ZFPM2: variants seen among roughly 807,000 people sequenced by gnomAD.
ZFPM2 encodes zinc finger protein ZFPM2.
Under a neutral mutation model 98.6 loss-of-function variants are expected in ZFPM2, and 20 were observed. The observed-to-expected ratio is 0.20, with a 90% CI of 0.14 to 0.29. The LOEUF is 0.29. ZFPM2 is among the 10% of genes least tolerant of loss of function. The pLI is 1.00. For synonymous variants in ZFPM2, 518 were observed against 502.7 expected (o/e 1.03, Z -0.41); for missense variants, 1,310 against 1,388.6 (o/e 0.94, Z 0.90).
intron 3 of ZFPM2, among the ~76,000 whole-genome samples, chr8:105,534,133 T>C (rs1243322264): frequency 1.0e-4 from 6 of 60,206 alleles, no homozygotes; most frequent in African/African-American, 2.3e-4. Context: ...CTTCCTCCCT[T>C]CCTTCCTTTC....
chr8:105,615,421 G>A (rs2130806259), intron 4 of ZFPM2, among the ~76,000 whole-genome samples: 1 of 152,238 alleles, frequency 6.6e-6, no homozygotes, highest in Non-Finnish European at 1.5e-5. Flanking sequence ...ATTTTGATGT[G>A]AATTAGCGAC....
intron 4 of ZFPM2, among the ~76,000 whole-genome samples, chr8:105,566,184 C>A (rs1467414248): frequency 2.0e-5 from 3 of 152,066 alleles, no homozygotes; most frequent in Admixed American, 2.0e-4. Context: ...TGTGAGTTGG[C>A]AATTAAAATG....
intron 1 of ZFPM2, among the ~76,000 whole-genome samples, chr8:105,396,875 GT>G (rs1811230360): frequency 6.6e-6 from 1 of 152,112 alleles, no homozygotes. Context: ...CTTGTGCTCT[GT>G]GTTCAGTAAT....
chr8:105,710,523 A>G (rs7835583), intron 5 of ZFPM2, among the ~76,000 whole-genome samples: 11,777 of 152,234 alleles, frequency 0.077, 1,488 homozygotes, highest in African/African-American at 0.26. Context: ...AGCTCCCTAT[A>G]GTCTATCTTC....
At chr8:105,581,139 A>C (rs576571421) in intron 4 of ZFPM2, among the ~76,000 whole-genome samples, 10 of 152,250 alleles carry the variant, frequency 6.6e-5, no homozygotes, top group African/African-American at 2.4e-4. Context: ...GATTTCCAGA[A>C]GATGTAATAT....
At chr8:105,590,787 G>A (rs1294971889) in intron 4 of ZFPM2, among the ~76,000 whole-genome samples, 1 of 143,190 alleles carries the variant, frequency 7.0e-6, no homozygotes, top group Non-Finnish European at 1.6e-5. Context: ...CACACACACA[G>A]AGTCAGTGGA....
At chr8:105,608,903 CAT>C (rs1316815187) in intron 4 of ZFPM2, among the ~76,000 whole-genome samples, 2 of 151,566 alleles carry the variant, frequency 1.3e-5, no homozygotes, top group African/African-American at 4.9e-5. Flanking sequence ...TTTAATTAGT[CAT>C]AAAGTATTTA....
intron 5 of ZFPM2, among the ~76,000 whole-genome samples, chr8:105,671,578 T>G (rs1817595812): frequency 6.6e-6 from 1 of 152,128 alleles, no homozygotes; most frequent in Non-Finnish European, 1.5e-5. Flanking sequence ...TTCATGCATC[T>G]TTCCATTTTA....
chr8:105,576,434 T>C (rs2130732136), intron 4 of ZFPM2, among the ~76,000 whole-genome samples: 1 of 152,278 alleles, frequency 6.6e-6, no homozygotes, highest in South Asian at 2.1e-4. Context: ...ACTTAGCTGC[T>C]TGGAGGTGAT....
At chr8:105,625,245 T>A (rs1053129864) in intron 4 of ZFPM2, among the ~76,000 whole-genome samples, 15 of 152,298 alleles carry the variant, frequency 9.8e-5, no homozygotes, top group African/African-American at 3.6e-4. Context: ...GTATAGCATA[T>A]AATTTTTTTC....
chr8:105,635,950 A>C (rs368440529), intron 5 of ZFPM2, among the ~76,000 whole-genome samples: 1 of 152,196 alleles, frequency 6.6e-6, no homozygotes, highest in African/African-American at 2.4e-5. Flanking sequence ...TTGCATGTAC[A>C]TAATGAGATA....
chr8:105,616,580 A>C (rs1160852028), intron 4 of ZFPM2: 1 of 232,350 alleles, frequency 4.3e-6, no homozygotes, highest in Non-Finnish European at 8.8e-6. Flanking sequence ...AATAATTATA[A>C]ATGTGCACTT....
intron 2 of ZFPM2, among the ~76,000 whole-genome samples, chr8:105,438,764 T>A (rs1812175749): frequency 6.6e-6 from 1 of 152,160 alleles, no homozygotes; most frequent in African/African-American, 2.4e-5. Context: ...CAGGGTCATA[T>A]CAGTCCCCCC....
intron 4 of ZFPM2, among the ~76,000 whole-genome samples, chr8:105,585,143 C>T (rs1464867982): frequency 1.3e-5 from 2 of 152,076 alleles, no homozygotes; most frequent in Non-Finnish European, 2.9e-5. Flanking sequence ...TGTCATCAGA[C>T]CTATATAGAA....
At chr8:105,382,404 TAGATTATTA>T (rs1253927035) in intron 1 of ZFPM2, among the ~76,000 whole-genome samples, 4 of 152,174 alleles carry the variant, frequency 2.6e-5, no homozygotes, top group Non-Finnish European at 5.9e-5. Flanking sequence ...ATTTTCAATA[TAGATTATTA>T]GGAAATATCA....
chr8:105,498,027 C>CAAAAA (rs1195802124), intron 3 of ZFPM2, among the ~76,000 whole-genome samples: 14 of 61,890 alleles, frequency 2.3e-4, no homozygotes, highest in African/African-American at 4.4e-4. Flanking sequence ...CCGTCTCTAC[C>CAAAAA]AAAAAAAAAA....
intron 2 of ZFPM2, among the ~76,000 whole-genome samples, chr8:105,438,712 T>C (rs1812175053): frequency 6.6e-6 from 1 of 152,158 alleles, no homozygotes; most frequent in African/African-American, 2.4e-5. Context: ...GGTATGTTCA[T>C]AGGAACTTAG....
chr8:105,552,072 G>C (rs1208902791), intron 3 of ZFPM2, among the ~76,000 whole-genome samples: 1 of 152,134 alleles, frequency 6.6e-6, no homozygotes, highest in African/African-American at 2.4e-5. Flanking sequence ...TAAATTTAGT[G>C]CCATAAATAT....
At chr8:105,590,757 C>CGCAT (rs1241706144) in intron 4 of ZFPM2, among the ~76,000 whole-genome samples, 2 of 143,614 alleles carry the variant, frequency 1.4e-5, no homozygotes, top group Non-Finnish European at 3.2e-5. Flanking sequence ...TGCATACGTG[C>CGCAT]GCACGCACAC....
Sources: allele counts gnomAD v4.1 joint callset (sites outside exome capture counted in the v4.1 genomes callset), GRCh38; gene constraint gnomAD v4.1.1; transcripts MANE v1.5; gene names NCBI Gene and HGNC (gene_info 2026-07-23, HGNC 2026-07-21).